Variants in MALAT1 observed in about 807,000 individuals in gnomAD.
The protein encoded by MALAT1 is hepcarcin.
chr11:65,500,093 G>A (rs768707880), exon 3 of MALAT1: 5 of 463,288 alleles, frequency 1.1e-5, no homozygotes, highest in Admixed American at 4.7e-5. Context: ...GGGTGTTTAC[G>A]TAGACCAGAA....
chr11:65,501,143 C>T (rs539201929), exon 3 of MALAT1: 16 of 507,676 alleles, frequency 3.2e-5, no homozygotes, highest in African/African-American at 2.5e-4. Context: ...AATAGATGAC[C>T]TGTTTTTACT....
At chr11:65,504,029 T>G in intron 3 of MALAT1, 1 of 518,120 alleles carries the variant, frequency 1.9e-6, no homozygotes, top group Middle Eastern at 3.2e-4. Flanking sequence ...ATGTTAACTT[T>G]AAATGCTTAC....
intron 2 of MALAT1, chr11:65,498,914 GTAAAAC>G (rs763602434): frequency 1.3e-5 from 7 of 518,652 alleles, no homozygotes; most frequent in Admixed American, 1.2e-4. Flanking sequence ...ATCTAGAAAA[GTAAAAC>G]TAGAACCTAT....
At chr11:65,505,041 TTACA>T (rs1565056912) in intron 3 of MALAT1, 1 of 518,962 alleles carries the variant, frequency 1.9e-6, no homozygotes, top group South Asian at 1.4e-5. Context: ...TTTTCTGTAT[TTACA>T]TACAAAGTCA....
chr11:65,502,806 C>T (rs1238262822), exon 3 of MALAT1: 3 of 511,756 alleles, frequency 5.9e-6, no homozygotes, highest in South Asian at 2.8e-5. Flanking sequence ...CTGATGAGAA[C>T]ATTATCTGCA....
chr11:65,500,681 G>A, exon 3 of MALAT1: 1 of 519,012 alleles, frequency 1.9e-6, no homozygotes, highest in Non-Finnish European at 3.8e-6. Context: ...GCAACCACAC[G>A]GAGGAGGCGA....
At chr11:65,498,141 C>G (rs1178412218) in intron 1 of MALAT1, 1 of 518,840 alleles carries the variant, frequency 1.9e-6, no homozygotes, top group African/African-American at 1.9e-5. Flanking sequence ...AGACCCAGAG[C>G]AGTGTAAACA....
exon 3 of MALAT1, chr11:65,500,659 C>T (rs1459691396): frequency 5.8e-6 from 3 of 518,920 alleles, no homozygotes; most frequent in Non-Finnish European, 1.2e-5. Flanking sequence ...AGGTAGCAGG[C>T]GGCTTGGCTT....
chr11:65,499,765 C>T (rs911031143), exon 3 of MALAT1: 2 of 426,730 alleles, frequency 4.7e-6, no homozygotes, highest in African/African-American at 4.2e-5. Context: ...TAAATTTAAA[C>T]CTGAAAAGTA....
chr11:65,502,635 A>G (rs759710005), exon 3 of MALAT1: 3 of 477,326 alleles, frequency 6.3e-6, no homozygotes, highest in Non-Finnish European at 8.0e-6. Context: ...TTTTTTCTAT[A>G]GACTTTTTTC....
chr11:65,498,967 A>G (rs745789624), intron 2 of MALAT1: 1 of 518,912 alleles, frequency 1.9e-6, no homozygotes, highest in Non-Finnish European at 3.8e-6. Context: ...TCCCTCACAA[A>G]GGCGGCGGAA....
chr11:65,497,947 C>T (rs549233410), intron 1 of MALAT1: 16 of 518,966 alleles, frequency 3.1e-5, no homozygotes, highest in South Asian at 7.0e-5. Context: ...GCTATCTTAG[C>T]TGTCCTTATA....
At chr11:65,501,844 G>A (rs776166236) in exon 3 of MALAT1, 7 of 517,504 alleles carry the variant, frequency 1.4e-5, no homozygotes, top group Middle Eastern at 3.2e-4. Context: ...TATTAAAGGG[G>A]AGGGGCAAAT....
downstream of MALAT1, chr11:65,506,473 T>C (rs754601245): frequency 6.7e-6 from 2 of 300,476 alleles, no homozygotes; most frequent in Non-Finnish European, 1.3e-5. Context: ...CTCTAAATTG[T>C]TGTGGTTCTT....
chr11:65,502,832 T>C (rs1363570510), exon 3 of MALAT1: 2 of 505,692 alleles, frequency 4.0e-6, no homozygotes, highest in Non-Finnish European at 7.9e-6. Context: ...CAAAAAATTT[T>C]AAGCAAATGA....
intron 3 of MALAT1, chr11:65,504,669 A>T: frequency 1.9e-6 from 1 of 518,926 alleles, no homozygotes; most frequent in South Asian, 1.4e-5. Flanking sequence ...TGCAACCTTA[A>T]AATCAGTGAC....
exon 3 of MALAT1, chr11:65,499,527 T>C (rs1479220043): frequency 2.2e-6 from 1 of 459,954 alleles, no homozygotes; most frequent in Admixed American, 2.5e-5. Flanking sequence ...TTAAAAGACC[T>C]TGAAATCCAT....
At chr11:65,502,619 CTT>C (rs3842272) in exon 3 of MALAT1, 70 of 410,582 alleles carry the variant, frequency 1.7e-4, no homozygotes, top group African/African-American at 7.9e-4. Context: ...GGAGGGGAAA[CTT>C]TTTTTTTTTC....
At chr11:65,505,669 A>G (rs1342518615) in intron 3 of MALAT1, 1 of 518,864 alleles carries the variant, frequency 1.9e-6, no homozygotes, top group Non-Finnish European at 3.8e-6. Context: ...CAAGGTAACG[A>G]TGGTGTCGAG....
Sources: gnomAD v4.1 joint callset for allele counts on GRCh38, gnomAD v4.1.1 for gene constraint, MANE v1.5 for transcripts, NCBI Gene and HGNC (gene_info 2026-07-23, HGNC 2026-07-21) for gene names.